Variants in NUF2 observed in about 807,000 individuals in gnomAD.
The protein encoded by NUF2 is kinetochore protein Nuf2.
Under a neutral mutation model 61.8 loss-of-function variants are expected in NUF2, and 34 were observed. The observed-to-expected ratio is 0.55, with a 90% CI of 0.42 to 0.73. NUF2 has a LOEUF of 0.73. Ranked by LOEUF, NUF2 falls within the 30% of genes least tolerant of loss-of-function variation. The pLI is 0.00. For missense variants in NUF2, 445 were observed against 539.1 expected (o/e 0.83, Z 1.73); for synonymous variants, 172 against 181.6 (o/e 0.95, Z 0.42).
chr1:163,337,901 C>A (rs1650815165), intron 6 of NUF2, 119 bp from the exon 7 acceptor site: 1 of 727,814 alleles, frequency 1.4e-6, no homozygotes. Flanking sequence ...TCATGAAGGC[C>A]TAACTCTATC....
chr1:163,328,680 T>A, intron 4 of NUF2, 166 bp from the exon 5 acceptor site: 1 of 528,032 alleles, frequency 1.9e-6, no homozygotes, highest in Non-Finnish European at 3.3e-6. Context: ...AAAAATAGAT[T>A]TCAGTGCTAT....
intron 12 of NUF2, among the ~76,000 whole-genome samples, chr1:163,348,349 T>C (rs6702715): frequency 2.0e-5 from 3 of 152,174 alleles, no homozygotes; most frequent in Non-Finnish European, 2.9e-5. Context: ...AGTAATACTT[T>C]CCTAAGTATG....
At chr1:163,337,091 T>C (rs1409770628) in intron 6 of NUF2, among the ~76,000 whole-genome samples, 1 of 152,152 alleles carries the variant, frequency 6.6e-6, no homozygotes, top group East Asian at 1.9e-4. Flanking sequence ...TTTAAAATCT[T>C]GTAGCTGAGG....
At chr1:163,348,349 T>G (rs6702715) in intron 12 of NUF2, among the ~76,000 whole-genome samples, 3,118 of 152,284 alleles carry the variant, frequency 0.02, 56 homozygotes, top group Admixed American at 0.043. Flanking sequence ...AGTAATACTT[T>G]CCTAAGTATG....
intron 5 of NUF2, among the ~76,000 whole-genome samples, chr1:163,333,364 A>G (rs1256419075): frequency 6.6e-6 from 1 of 152,032 alleles, no homozygotes; most frequent in Non-Finnish European, 1.5e-5. Flanking sequence ...CAACATCACT[A>G]TCTCGGTCTT....
chr1:163,346,486 C>T (rs972431912), intron 11 of NUF2, among the ~76,000 whole-genome samples: 3 of 151,970 alleles, frequency 2.0e-5, no homozygotes, highest in African/African-American at 4.8e-5. Context: ...ACTATGATGT[C>T]GACAGTTGGA....
At chr1:163,335,236 G>C (rs1650718855) in intron 5 of NUF2, among the ~76,000 whole-genome samples, 1 of 152,146 alleles carries the variant, frequency 6.6e-6, no homozygotes, top group African/African-American at 2.4e-5. Flanking sequence ...ACAGGTGTGA[G>C]CCACCACACC....
chr1:163,354,911 T>C (rs1322337238), intron 13 of NUF2, among the ~76,000 whole-genome samples: 1 of 152,100 alleles, frequency 6.6e-6, no homozygotes, highest in Non-Finnish European at 1.5e-5. Flanking sequence ...TATTAATATA[T>C]TCTTCAGTCC....
intron 6 of NUF2, 33 bp downstream of exon 6, chr1:163,336,881 C>A: frequency 2.4e-6 from 3 of 1,261,472 alleles, no homozygotes; most frequent in South Asian, 1.2e-5. Flanking sequence ...GGTTACATGC[C>A]AGATCAGTAA....
chr1:163,350,105 T>C (rs1651262791), intron 13 of NUF2, among the ~76,000 whole-genome samples: 1 of 151,718 alleles, frequency 6.6e-6, no homozygotes. Flanking sequence ...ATCGAGACCA[T>C]CCTGGCTAAC....
intron 13 of NUF2, among the ~76,000 whole-genome samples, chr1:163,349,300 T>C (rs1428541281): frequency 6.6e-6 from 1 of 152,204 alleles, no homozygotes; most frequent in East Asian, 1.9e-4. Context: ...CATTTTTATC[T>C]TTAAAAATGC....
chr1:163,339,455 A>G lies in NUF2; in HGVS notation c.584A>G (p.Asn195Ser), dbSNP rs891356338. Residue 195 changes from asparagine to serine, a missense_variant, in exon 8 of 14, where the codon AAT (asparagine) becomes AGT (serine). Asn to Ser is a conservative substitution (Grantham distance 46, BLOSUM62 1). Transcript: ENST00000271452. Reference sequence around the variant, plus strand: ...ATTCAGGAGCTACAACAATCACTAAATCAGGATTTTCATCAAAAAACGGTA... The same window carrying G: ...ATTCAGGAGCTACAACAATCACTAAGTCAGGATTTTCATCAAAAAACGGTA... ...DGIQELQQSL[N>S]QDFHQKTIVL... 1 of 1,611,290 alleles carries G rather than the reference A, an allele frequency of 6.2e-7. No homozygotes were observed. The highest frequency in any genetic ancestry group is 8.5e-7 in the Non-Finnish European group (1 of 1,177,714).
intron 7 of NUF2, among the ~76,000 whole-genome samples, chr1:163,339,015 C>T (rs752015584): frequency 9.2e-5 from 14 of 151,968 alleles, no homozygotes; most frequent in Non-Finnish European, 1.5e-4. Context: ...GGACTAGTAG[C>T]GGAAGAATGG....
intron 9 of NUF2, 51 bp downstream of exon 9, chr1:163,340,477 G>A (rs1282345432): frequency 1.5e-6 from 2 of 1,356,510 alleles, no homozygotes; most frequent in South Asian, 2.5e-5. Flanking sequence ...ATATTGTGTG[G>A]AGGAGTATTT....
chr1:163,336,475 A>G (rs1463836285), intron 5 of NUF2, among the ~76,000 whole-genome samples: 1 of 151,918 alleles, frequency 6.6e-6, no homozygotes, highest in Non-Finnish European at 1.5e-5. Context: ...TTGTTGCTTC[A>G]TGTATTTTTG....
intron 3 of NUF2, chr1:163,328,009 T>G (rs1650482525): frequency 4.6e-6 from 2 of 437,482 alleles, no homozygotes; most frequent in Non-Finnish European, 8.0e-6. Flanking sequence ...TAGTAAATGC[T>G]AACCTTATTC....
At chr1:163,354,474 A>T (rs1651424296) in intron 13 of NUF2, among the ~76,000 whole-genome samples, 1 of 152,138 alleles carries the variant, frequency 6.6e-6, no homozygotes, top group Admixed American at 6.5e-5. Flanking sequence ...TTTATTCAAA[A>T]TCAGATCGTA....
chr1:163,339,469 C>CA lies in NUF2; in HGVS notation c.604dup (p.Thr202AsnfsTer24). 3.7e-6 allele frequency: 6 copies of CA among 1,603,060 alleles called. No individual in the cohort carries two copies. Among genetic ancestry groups the CA allele is most frequent in the Non-Finnish European group, 5.1e-6 (6 of 1,170,892 alleles). ...ACAATCACTAAATCAGGATTTTCAT[C>CA]AAAAAACGGTATCTGTTGTGAGGCA... On this transcript the variant is annotated frameshift_variant, in exon 8 of 14. Transcript: ENST00000271452. LOFTEE classifies it high-confidence loss of function.
chr1:163,348,602 C>T (rs1651211433), intron 12 of NUF2, among the ~76,000 whole-genome samples: 1 of 152,104 alleles, frequency 6.6e-6, no homozygotes, highest in Non-Finnish European at 1.5e-5. Flanking sequence ...TAAACTGATT[C>T]ACATTCCCAC....
Sources: gnomAD v4.1 joint callset for allele counts (sites outside exome capture counted in the v4.1 genomes callset) on GRCh38, gnomAD v4.1.1 for gene constraint, MANE v1.5 for transcripts, NCBI Gene and HGNC (gene_info 2026-07-23, HGNC 2026-07-21) for gene names.